The following FER variants were observed in gnomAD, a reference collection of about 807,000 sequenced individuals.
The protein encoded by FER is FER tyrosine kinase.
A neutral mutation model predicts 111.0 loss-of-function variants in FER; 63 were observed. The observed-to-expected ratio is 0.57, with a 90% CI of 0.46 to 0.70. FER has a LOEUF of 0.70. FER is among the 30% of genes least tolerant of loss of function. FER has a pLI of 0.00. For missense variants in FER, 914 were observed against 954.0 expected (o/e 0.96, Z 0.55); for synonymous variants, 327 against 313.9 (o/e 1.04, Z -0.44).
At chr5:109,147,619 C>A (rs556164636) in intron 17 of FER, among the ~76,000 whole-genome samples, 2 of 151,802 alleles carry the variant, frequency 1.3e-5, no homozygotes, top group African/African-American at 4.8e-5. Context: ...AAATCCTGTG[C>A]CATAAGAAAA....
At chr5:109,178,966 A>T (rs1445136050) in intron 17 of FER, among the ~76,000 whole-genome samples, 1 of 152,182 alleles carries the variant, frequency 6.6e-6, no homozygotes, top group Non-Finnish European at 1.5e-5. Context: ...GTTTTGTAGT[A>T]TAAAGGACTT....
intron 10 of FER, among the ~76,000 whole-genome samples, chr5:108,938,263 T>C (rs576068697): frequency 6.6e-6 from 1 of 151,840 alleles, no homozygotes; most frequent in South Asian, 2.1e-4. Flanking sequence ...GGAAGGAGAT[T>C]ATAATAGGTA....
chr5:108,828,732 A>G (rs567302672), intron 3 of FER, among the ~76,000 whole-genome samples: 2 of 152,332 alleles, frequency 1.3e-5, no homozygotes, highest in East Asian at 1.9e-4. Context: ...ACTATTAGCA[A>G]TCAGGTTTCT....
chr5:109,049,010 T>C (rs1278603104), intron 16 of FER, among the ~76,000 whole-genome samples: 1 of 152,232 alleles, frequency 6.6e-6, no homozygotes, highest in Admixed American at 6.5e-5. Flanking sequence ...TTTTATTATT[T>C]GTTTTTACAA....
intron 13 of FER, among the ~76,000 whole-genome samples, chr5:109,029,409 T>C (rs1456851521): frequency 6.7e-6 from 1 of 150,002 alleles, no homozygotes; most frequent in Admixed American, 6.7e-5. Context: ...AATGTCTTTA[T>C]TTTCTATTCA....
intron 13 of FER, chr5:109,015,031 A>G (rs1388186909): frequency 1.3e-5 from 2 of 152,084 alleles, no homozygotes; most frequent in African/African-American, 2.4e-5. Flanking sequence ...ATTTGAAAGT[A>G]TGGAATTGGT....
chr5:109,056,441 A>T (rs560434735), intron 16 of FER, among the ~76,000 whole-genome samples: 28 of 152,312 alleles, frequency 1.8e-4, no homozygotes, highest in African/African-American at 6.7e-4. Flanking sequence ...AGCCTGGGGG[A>T]CATTATGCTG....
intron 1 of FER, among the ~76,000 whole-genome samples, chr5:108,754,348 A>T (rs1233298533): frequency 6.7e-6 from 1 of 148,412 alleles, no homozygotes; most frequent in Non-Finnish European, 1.5e-5. Context: ...TCAATACTGC[A>T]TTGAGCTATG....
At chr5:109,125,663 C>T (rs897029476) in intron 17 of FER, among the ~76,000 whole-genome samples, 5 of 152,066 alleles carry the variant, frequency 3.3e-5, no homozygotes, top group African/African-American at 7.2e-5. Flanking sequence ...GTGAGCTGGT[C>T]TTAGTAGTAG....
intron 10 of FER, among the ~76,000 whole-genome samples, chr5:108,945,266 C>T (rs1032564132): frequency 1.3e-5 from 2 of 152,006 alleles, no homozygotes; most frequent in African/African-American, 4.8e-5. Flanking sequence ...GAAATGTAGT[C>T]GTCATTGGAA....
At chr5:109,171,217 A>G (rs1757062388) in intron 17 of FER, among the ~76,000 whole-genome samples, 1 of 152,186 alleles carries the variant, frequency 6.6e-6, no homozygotes, top group Non-Finnish European at 1.5e-5. Context: ...GGATCATAAA[A>G]TTGTTCGACA....
intron 10 of FER, among the ~76,000 whole-genome samples, chr5:108,933,742 A>G (rs1755041624): frequency 1.3e-5 from 2 of 152,156 alleles, no homozygotes; most frequent in South Asian, 4.1e-4. Flanking sequence ...ATGAGCATGG[A>G]ATTTTTTTCC....
chr5:108,779,569 T>A (rs34609891), intron 2 of FER, among the ~76,000 whole-genome samples: 9,303 of 152,230 alleles, frequency 0.061, 326 homozygotes, highest in Middle Eastern at 0.075. Flanking sequence ...TGTTGTTGTG[T>A]TTTTACTTTC....
intron 10 of FER, among the ~76,000 whole-genome samples, chr5:108,943,755 A>G (rs749261195): frequency 6.6e-6 from 1 of 151,924 alleles, no homozygotes; most frequent in Non-Finnish European, 1.5e-5. Flanking sequence ...TTGTTTTGAG[A>G]CAGGGTCTTG....
chr5:109,159,557 A>C (rs974190081), intron 17 of FER, among the ~76,000 whole-genome samples: 2 of 152,206 alleles, frequency 1.3e-5, no homozygotes, highest in Non-Finnish European at 2.9e-5. Context: ...TATAAAATAG[A>C]TGTTAATTTA....
intron 13 of FER, among the ~76,000 whole-genome samples, chr5:108,985,577 T>A (rs116185660): frequency 0.011 from 1,711 of 152,232 alleles, 27 homozygotes; most frequent in African/African-American, 0.039. Flanking sequence ...TAGTCTTATA[T>A]CCCTGATTCC....
intron 3 of FER, among the ~76,000 whole-genome samples, chr5:108,832,392 GT>G (rs1158434874): frequency 2.0e-5 from 3 of 152,204 alleles, no homozygotes; most frequent in African/African-American, 7.2e-5. Context: ...GACAATGTCT[GT>G]TGCATTTGAC....
chr5:109,136,031 G>A (rs1391618102), intron 17 of FER, among the ~76,000 whole-genome samples: 2 of 152,014 alleles, frequency 1.3e-5, no homozygotes, highest in East Asian at 3.9e-4. Flanking sequence ...CAAGGCAGTT[G>A]GTTAACTTGA....
intron 1 of FER, among the ~76,000 whole-genome samples, chr5:108,764,272 T>A (rs1422781141): frequency 6.6e-6 from 1 of 152,144 alleles, no homozygotes; most frequent in Non-Finnish European, 1.5e-5. Flanking sequence ...CACAATCATT[T>A]AAAAAAATAT....
Sources: allele counts gnomAD v4.1 joint callset (sites outside exome capture counted in the v4.1 genomes callset), GRCh38; gene constraint gnomAD v4.1.1; transcripts MANE v1.5; gene names NCBI Gene and HGNC (gene_info 2026-07-23, HGNC 2026-07-21).